The following FDCSP variants were observed in gnomAD, a reference collection of about 807,000 sequenced individuals.
FDCSP encodes follicular dendritic cell secreted peptide.
A neutral mutation model predicts 8.9 loss-of-function variants in FDCSP; 8 were observed. The ratio of observed to expected loss-of-function variants is 0.90; its 90% CI spans 0.53 to 1.63. The LOEUF (loss-of-function observed/expected upper bound fraction) is 1.63. Among genes scored for constraint, FDCSP ranks in the 40% most tolerant of loss-of-function variants. The pLI, the probability that FDCSP is intolerant of heterozygous loss-of-function variation, is 0.00. For synonymous variants in FDCSP, 34 were observed against 34.5 expected (o/e 0.98, Z 0.06); for missense variants, 101 against 103.6 (o/e 0.98, Z 0.11).
chr4:70,232,333 T>C (rs1004826809), intron 2 of FDCSP, among the ~76,000 whole-genome samples: 3 of 151,704 alleles, frequency 2.0e-5, no homozygotes, highest in Non-Finnish European at 3.0e-5. Context: ...TATTTTTTAC[T>C]GTACCTTTTC....
chr4:70,234,212 C>T lies in FDCSP; in HGVS notation c.*25C>T, dbSNP rs577168827. 1.9e-6 allele frequency: 3 copies of T among 1,598,582 alleles called. No individual in the cohort carries two copies. The highest frequency in any genetic ancestry group is 2.6e-6 in the Non-Finnish European group (3 of 1,170,348). On this transcript the variant is annotated 3_prime_UTR_variant, in exon 4 of 5. Transcript: ENST00000317987. Reference sequence around the variant, plus strand: ...AACAAGAAGGAAAAGTCACGATAAACCTGGTAAGTACACATAGTTACAATC... The same window carrying T: ...AACAAGAAGGAAAAGTCACGATAAATCTGGTAAGTACACATAGTTACAATC...
intron 3 of FDCSP, 108 bp downstream of exon 3, chr4:70,233,134 A>G (rs564300922): frequency 3.1e-6 from 3 of 969,880 alleles, no homozygotes; most frequent in South Asian, 1.7e-5. Context: ...GGAGAGATTC[A>G]TAAAGAGCTT....
chr4:70,232,863 C>A, intron 2 of FDCSP, 131 bp from the exon 3 acceptor site: 2 of 802,658 alleles, frequency 2.5e-6, no homozygotes, highest in Non-Finnish European at 4.0e-6. Flanking sequence ...CATTTCTAGA[C>A]AAATTATGGG....
Position 70,234,036 on chromosome 4 carries a change from A to T in FDCSP, c.107A>T (p.Glu36Val). ...REKRSISDSD[E>V]LASGFFVFPY... ...TTTCAACAGATCAGTGACAGCGATG[A>T]ATTAGCTTCAGGGTTTTTTGTGTTC... is the stretch of plus-strand genomic sequence containing the variant. The change falls in exon 4 of 5, where the codon GAA (glutamate) becomes GTA (valine). Residue 36 changes from glutamate to valine, a missense_variant. By Grantham distance (121) the Glu-to-Val change is moderately radical. Transcript: ENST00000317987. 1 of 1,605,398 alleles carries T rather than the reference A, an allele frequency of 6.2e-7. No homozygotes were observed. The highest frequency in any genetic ancestry group is 8.5e-7 in the Non-Finnish European group (1 of 1,175,666).
intron 1 of FDCSP, among the ~76,000 whole-genome samples, chr4:70,228,672 C>T (rs961227426): frequency 8.6e-5 from 13 of 151,740 alleles, no homozygotes; most frequent in African/African-American, 2.7e-4. Context: ...CTCTTTGATC[C>T]ATAGGCTGCA....
intron 2 of FDCSP, 30 bp from the exon 3 acceptor site, chr4:70,232,964 G>A (rs1038793776): frequency 6.4e-6 from 10 of 1,572,394 alleles, no homozygotes; most frequent in Admixed American, 3.7e-5. Flanking sequence ...ATGAGCATGA[G>A]TTTAATTAAT....
rs1730133926 is a variant in FDCSP, at chr4:70,234,118, G to T, written c.189G>T (p.Trp63Cys). The T allele has an allele frequency of 1.9e-6, 3 of 1,611,046 alleles. No individual in the cohort carries two copies. Among genetic ancestry groups the T allele is most frequent in the Admixed American group, 3.3e-5 (2 of 59,718 alleles). Residue 63 changes from tryptophan (W) to cysteine (C), a missense_variant, in exon 4 of 5, where the codon TGG (tryptophan) becomes TGT (cysteine). Coordinates refer to ENST00000317987, the MANE Select transcript of FDCSP (RefSeq NM_152997.4). ...CAATTCCATTTCCAAGATTTCCATG[G>T]TTTAGACGTAATTTTCCTATTCCAA... Reference protein sequence around the residue: ...LPPIPFPRFPWFRRNFPIPIP... With the variant: ...LPPIPFPRFPCFRRNFPIPIP...
In FDCSP at chr4:70,226,169, C is replaced by T. The variant is rs1435136134; in HGVS notation, c.-14C>T. Reference sequence around the variant, plus strand: ...AACAGCGTCAGAGAGAAAGAACTGACTGAAACGTTTGAGGTAAGAAAGGTC... The same window carrying T: ...AACAGCGTCAGAGAGAAAGAACTGATTGAAACGTTTGAGGTAAGAAAGGTC... On this transcript the variant is annotated 5_prime_UTR_variant, in exon 1 of 5. Coordinates refer to ENST00000317987, the MANE Select transcript of FDCSP (RefSeq NM_152997.4). 1 of 151,834 alleles carries T rather than the reference C, an allele frequency of 6.6e-6. No individual in the cohort carries two copies. Among genetic ancestry groups the T allele is most frequent in the Non-Finnish European group, 1.5e-5 (1 of 67,926 alleles). The allele number at this position is 151,834 out of a possible 1,614,324, so 9.4% of individuals were successfully genotyped here. A position where few individuals can be genotyped will look rare whatever the true frequency, so the allele number is the denominator to read the frequency against.
intron 1 of FDCSP, among the ~76,000 whole-genome samples, chr4:70,227,407 A>T (rs956695727): frequency 6.6e-6 from 1 of 151,762 alleles, no homozygotes; most frequent in African/African-American, 2.4e-5. Context: ...AAAGGCAGAG[A>T]TCAAAACTTT....
chr4:70,234,689 C>T (rs1048793572), intron 4 of FDCSP, among the ~76,000 whole-genome samples: 1 of 151,278 alleles, frequency 6.6e-6, no homozygotes, highest in Non-Finnish European at 1.5e-5. Flanking sequence ...ATTTTAAAGG[C>T]TTCATGCTTC....
intron 2 of FDCSP, 105 bp from the exon 3 acceptor site, chr4:70,232,889 T>G: frequency 2.0e-6 from 2 of 985,576 alleles, no homozygotes; most frequent in Non-Finnish European, 3.0e-6. Flanking sequence ...TAAAAAATGG[T>G]TATTATGAAA....
chr4:70,229,026 C>T (rs1270482250), intron 1 of FDCSP, among the ~76,000 whole-genome samples: 2 of 151,758 alleles, frequency 1.3e-5, no homozygotes, highest in Non-Finnish European at 2.9e-5. Flanking sequence ...TGAAGCCAGG[C>T]ATTGTTTTCT....
chr4:70,226,450 A>G (rs1165176771), intron 1 of FDCSP, among the ~76,000 whole-genome samples: 1 of 151,766 alleles, frequency 6.6e-6, no homozygotes, highest in Non-Finnish European at 1.5e-5. Flanking sequence ...CTAGGAGTGG[A>G]GCACTGGTGG....
intron 1 of FDCSP, among the ~76,000 whole-genome samples, chr4:70,227,265 T>C (rs1730002067): frequency 1.3e-5 from 2 of 151,736 alleles, no homozygotes; most frequent in Admixed American, 1.3e-4. Context: ...TTACTCTTGA[T>C]TTCCTACATT....
At chr4:70,229,842 A>C (rs1730050439) in intron 1 of FDCSP, among the ~76,000 whole-genome samples, 1 of 151,754 alleles carries the variant, frequency 6.6e-6, no homozygotes, top group South Asian at 2.1e-4. Flanking sequence ...AAATATTATT[A>C]CATCTTTATA....
At chr4:70,231,121 C>A in intron 1 of FDCSP, 74 bp from the exon 2 acceptor site, 1 of 1,234,500 alleles carries the variant, frequency 8.1e-7, no homozygotes, top group Middle Eastern at 2.0e-4. Flanking sequence ...AATTCATGGT[C>A]TTTTAGCTGA....
intron 1 of FDCSP, among the ~76,000 whole-genome samples, chr4:70,228,041 G>A (rs976621855): frequency 6.6e-6 from 1 of 151,710 alleles, no homozygotes; most frequent in African/African-American, 2.4e-5. Context: ...TTGACACACA[G>A]ATTGACTCTT....
intron 3 of FDCSP, among the ~76,000 whole-genome samples, chr4:70,233,608 G>C (rs1730123901): frequency 6.6e-6 from 1 of 151,672 alleles, no homozygotes; most frequent in African/African-American, 2.4e-5. Context: ...AAAATTAATA[G>C]AGACACAAAC....
At chr4:70,232,781 T>C (rs1430881296) in intron 2 of FDCSP, among the ~76,000 whole-genome samples, 4 of 151,640 alleles carry the variant, frequency 2.6e-5, no homozygotes, top group African/African-American at 9.7e-5. Flanking sequence ...CAGTTCCACA[T>C]ATCTTTGGTG....
Sources: gnomAD v4.1 joint callset for allele counts (sites outside exome capture counted in the v4.1 genomes callset) on GRCh38, gnomAD v4.1.1 for gene constraint, MANE v1.5 for transcripts, NCBI Gene and HGNC (gene_info 2026-07-23, HGNC 2026-07-21) for gene names.